The following TMCC1 variants were observed in gnomAD, a reference collection of about 807,000 sequenced individuals.
The protein encoded by TMCC1 is transmembrane and coiled-coil domains protein 1.
Under a neutral mutation model 52.4 loss-of-function variants are expected in TMCC1, and 15 were observed. The observed-to-expected ratio is 0.29, with a 90% CI of 0.19 to 0.44. The LOEUF (loss-of-function observed/expected upper bound fraction) is 0.44, where lower values mean the gene tolerates loss of function less well. Among genes scored for constraint, TMCC1 ranks in the 20% least tolerant of loss-of-function variants. The pLI is 1.00. For missense variants in TMCC1, 503 were observed against 806.0 expected (o/e 0.62, Z 4.55); for synonymous variants, 279 against 301.9 (o/e 0.92, Z 0.79).
intron 2 of TMCC1, among the ~76,000 whole-genome samples, chr3:129,864,154 A>C (rs2060519949): frequency 6.6e-6 from 1 of 152,162 alleles, no homozygotes; most frequent in African/African-American, 2.4e-5. Context: ...ACATGTCCAC[A>C]TATCTGTAGA....
intron 2 of TMCC1, among the ~76,000 whole-genome samples, chr3:129,842,867 G>A (rs549078892): frequency 1.6e-4 from 25 of 152,204 alleles, no homozygotes; most frequent in Middle Eastern, 3.4e-3. Flanking sequence ...CAGAAGGGAA[G>A]TTTATCTACC....
rs200906378 is a variant in TMCC1 at position 129,828,220 on chromosome 3, C to T, written c.159G>A (p.Lys53=). The change falls in exon 4 of 7, where the codon AAG becomes AAA. Residue 53 remains lysine, a synonymous_variant. Coordinates refer to ENST00000393238, the MANE Select transcript of TMCC1 (RefSeq NM_001017395.5). This position sits in a 1 kb window ranked among gnomAD's most constrained non-coding sequence, Gnocchi z 4.1. ...TCCTGCGCTGGTGCTGGAAGAGATG[C>T]TTCAAGCCTTGGCCAATCACGTTAA... ...ENINVIGQGL[K]HLFQHQRRRS... is the part of the protein sequence containing the mutation. The T allele has an allele frequency of 1.9e-6, 3 of 1,614,158 alleles. No homozygotes were observed. The highest frequency in any genetic ancestry group is 4.5e-5 in the East Asian group (2 of 44,876).
At chr3:129,680,329 G>A (rs936121042) in intron 4 of TMCC1, among the ~76,000 whole-genome samples, 1 of 152,134 alleles carries the variant, frequency 6.6e-6, no homozygotes, top group Non-Finnish European at 1.5e-5. Context: ...TATGAACCTG[G>A]TACAAATCTA....
At chr3:129,886,505 G>C (rs2061708465) in intron 1 of TMCC1, among the ~76,000 whole-genome samples, 1 of 152,130 alleles carries the variant, frequency 6.6e-6, no homozygotes, top group Non-Finnish European at 1.5e-5. Flanking sequence ...GCATTATTCA[G>C]AACAGCCTAC....
chr3:129,799,145 G>A (rs2107768339), intron 4 of TMCC1, among the ~76,000 whole-genome samples: 1 of 152,262 alleles, frequency 6.6e-6, no homozygotes, highest in East Asian at 1.9e-4. Flanking sequence ...TTGATTTAAA[G>A]GGCAGCTGAC....
intron 4 of TMCC1, among the ~76,000 whole-genome samples, chr3:129,754,780 T>C (rs575199744): frequency 3.3e-5 from 5 of 152,236 alleles, no homozygotes; most frequent in Admixed American, 2.6e-4. Context: ...AAAAATCTTT[T>C]AAAAAACAGA....
chr3:129,871,387 AG>A (rs1170573554), intron 2 of TMCC1, among the ~76,000 whole-genome samples: 12 of 151,310 alleles, frequency 7.9e-5, no homozygotes, highest in Non-Finnish European at 1.6e-4. Context: ...AAAAAAAAAA[AG>A]AATAGGATCT....
At chr3:129,765,731 G>A (rs2054069753) in intron 4 of TMCC1, among the ~76,000 whole-genome samples, 1 of 152,044 alleles carries the variant, frequency 6.6e-6, no homozygotes, top group Admixed American at 6.6e-5. Context: ...GATTCCAGGG[G>A]GTTCTGGGTT....
chr3:129,890,346 A>G (rs1181030721), intron 1 of TMCC1, among the ~76,000 whole-genome samples: 1 of 152,228 alleles, frequency 6.6e-6, no homozygotes, highest in Admixed American at 6.5e-5. Flanking sequence ...GGAAATGCCA[A>G]TATGGATAGA....
At chr3:129,867,762 A>G (rs2060721033) in intron 2 of TMCC1, among the ~76,000 whole-genome samples, 1 of 152,218 alleles carries the variant, frequency 6.6e-6, no homozygotes, top group South Asian at 2.1e-4. Flanking sequence ...TTAAGGCCAT[A>G]GTAGAAATAA....
intron 1 of TMCC1, among the ~76,000 whole-genome samples, chr3:129,884,056 AAC>A (rs1486302812): frequency 1.3e-5 from 2 of 152,110 alleles, no homozygotes; most frequent in Admixed American, 6.6e-5. Flanking sequence ...ATCCTGTGAA[AAC>A]AGTTTCGAAA....
chr3:129,724,116 C>T (rs1245746011), intron 4 of TMCC1, among the ~76,000 whole-genome samples: 1 of 151,956 alleles, frequency 6.6e-6, no homozygotes, highest in Non-Finnish European at 1.5e-5. Flanking sequence ...TGAATTCTAC[C>T]CTGACAAAGC....
At chr3:129,796,048 C>T (rs2056800064) in intron 4 of TMCC1, among the ~76,000 whole-genome samples, 1 of 152,180 alleles carries the variant, frequency 6.6e-6, no homozygotes, top group African/African-American at 2.4e-5. Flanking sequence ...GGAAAAAACA[C>T]AGTACAGTCG....
At chr3:129,837,962 G>C (rs952765494) in intron 2 of TMCC1, among the ~76,000 whole-genome samples, 1 of 152,138 alleles carries the variant, frequency 6.6e-6, no homozygotes, top group Non-Finnish European at 1.5e-5. Flanking sequence ...TACCCAAACT[G>C]AAATATAAAG....
At chr3:129,656,505 A>G (rs2086676416) in intron 5 of TMCC1, among the ~76,000 whole-genome samples, 1 of 152,226 alleles carries the variant, frequency 6.6e-6, no homozygotes, top group African/African-American at 2.4e-5. Flanking sequence ...CAAACTTTTA[A>G]AGAATATAAT....
intron 3 of TMCC1, among the ~76,000 whole-genome samples, chr3:129,830,790 T>G (rs1350708926): frequency 6.6e-6 from 1 of 152,246 alleles, no homozygotes; most frequent in Non-Finnish European, 1.5e-5. Context: ...AATTTATTAC[T>G]CAGCAAATCT....
chr3:129,809,790 C>T (rs1468072963), intron 4 of TMCC1, among the ~76,000 whole-genome samples: 2 of 152,174 alleles, frequency 1.3e-5, no homozygotes, highest in African/African-American at 4.8e-5. Context: ...ACAATTTTCC[C>T]GGTTTCAGTA....
intron 4 of TMCC1, among the ~76,000 whole-genome samples, chr3:129,754,950 C>T (rs967604354): frequency 7.2e-5 from 11 of 151,868 alleles, no homozygotes; most frequent in African/African-American, 1.7e-4. Flanking sequence ...TGGTGGCGGG[C>T]GCCTGCAATC....
At chr3:129,838,753 A>C (rs1249237816) in intron 2 of TMCC1, among the ~76,000 whole-genome samples, 2 of 4,910 alleles carry the variant, frequency 4.1e-4, no homozygotes, top group East Asian at 0.022. Context: ...ACTCTGTCTC[A>C]AAAAAAAAAA....
Sources: allele counts gnomAD v4.1 joint callset (sites outside exome capture counted in the v4.1 genomes callset), GRCh38; gene constraint gnomAD v4.1.1; non-coding constraint Gnocchi (gnomAD v3.1); transcripts MANE v1.5; gene names NCBI Gene and HGNC (gene_info 2026-07-23, HGNC 2026-07-21).